DLG2: variants seen among roughly 807,000 people sequenced by gnomAD.
DLG2 encodes the protein disks large homolog 2.
In DLG2, 45 loss-of-function variants were observed where a neutral mutation model predicts 132.5. The ratio of observed to expected loss-of-function variants is 0.34; its 90% CI spans 0.27 to 0.44. DLG2 has a LOEUF of 0.44. DLG2 is among the 20% of genes least tolerant of loss of function. The probability of loss-of-function intolerance (pLI) is 1.00; values close to 1 mark genes in which losing one functional copy is unlikely to be tolerated. For missense variants in DLG2, 1,045 were observed against 1,196.9 expected, an observed-to-expected ratio of 0.87 and a Z score of 1.87; for synonymous variants, 424 against 419.6, an observed-to-expected ratio of 1.01 and a Z score of -0.13.
At chr11:83,783,673 A>G (rs2094926571) in intron 18 of DLG2, among the ~76,000 whole-genome samples, 1 of 152,236 alleles carries the variant, frequency 6.6e-6, no homozygotes, top group East Asian at 1.9e-4. Flanking sequence ...AAATATAGGT[A>G]TGGTGTCTGC....
Position 85,464,370 on chromosome 11 carries a change from G to A in DLG2, c.40+134287C>T, listed in dbSNP as rs138216052. On this transcript the variant is annotated intron_variant, in intron 3 of 27. Transcript: ENST00000376104. ...AGATCAGTTTCCCTGAAGGCTTGGAGGTTATGGTTTTTACGGACAACTTGG... is the reference window on the plus strand; with the variant it reads ...AGATCAGTTTCCCTGAAGGCTTGGAAGTTATGGTTTTTACGGACAACTTGG... Among the ~76,000 whole-genome samples, 8 of 152,194 alleles carry A rather than the reference G, an allele frequency of 5.3e-5. No individual in the cohort carries two copies. The East Asian group carries it at 1.5e-3, about 29-fold the overall frequency.
chr11:83,501,671 G>A (rs117145943), intron 21 of DLG2, among the ~76,000 whole-genome samples: 3 of 152,062 alleles, frequency 2.0e-5, no homozygotes, highest in South Asian at 2.1e-4. Flanking sequence ...TTCTCTAAAT[G>A]CATTGCTAAT....
At chr11:83,616,972 T>C (rs1025001562) in intron 19 of DLG2, among the ~76,000 whole-genome samples, 16 of 152,226 alleles carry the variant, frequency 1.1e-4, no homozygotes, top group African/African-American at 3.9e-4. Context: ...TGTTATTGTT[T>C]CTGCACTCTA....
intron 3 of DLG2, among the ~76,000 whole-genome samples, chr11:85,543,975 C>G (rs1041666982): frequency 6.6e-6 from 1 of 152,142 alleles, no homozygotes; most frequent in African/African-American, 2.4e-5. Flanking sequence ...TTTTGCTGTG[C>G]AGAAGCTCTT....
intron 15 of DLG2, among the ~76,000 whole-genome samples, chr11:83,927,287 A>ATGTAGCATGTAACATGTAGCATGACT (rs1261702485): frequency 6.6e-6 from 1 of 152,162 alleles, no homozygotes; most frequent in Non-Finnish European, 1.5e-5. Flanking sequence ...ACAGTGTAGC[A>ATGTAGCATGTAACATGTAGCATGACT]GGTGATACAG....
chr11:85,108,687 T>G, intron 6 of DLG2, among the ~76,000 whole-genome samples: 1 of 152,040 alleles, frequency 6.6e-6, no homozygotes, highest in East Asian at 1.9e-4. Context: ...TGTTAGTGCT[T>G]TTTTCTGAGA....
chr11:84,714,557 CTTTCTCTT>C (rs2060846193), intron 6 of DLG2, among the ~76,000 whole-genome samples: 2 of 122,334 alleles, frequency 1.6e-5, no homozygotes, highest in Admixed American at 8.7e-5. Flanking sequence ...CTTTCTCTCT[CTTTCTCTT>C]TCTCTTTCTC....
At chr11:85,184,050 T>C (rs1402991851) in intron 4 of DLG2, among the ~76,000 whole-genome samples, 1 of 151,956 alleles carries the variant, frequency 6.6e-6, no homozygotes, top group Non-Finnish European at 1.5e-5. Context: ...TATACAGTAA[T>C]TATTAGGGTT....
intron 18 of DLG2, among the ~76,000 whole-genome samples, chr11:83,673,900 T>C (rs2077260485): frequency 6.6e-6 from 1 of 152,258 alleles, no homozygotes; most frequent in Non-Finnish European, 1.5e-5. Context: ...CATTGTCTTT[T>C]ACTCCTTTAC....
chr11:85,561,514 A>C (rs762556992), intron 3 of DLG2, among the ~76,000 whole-genome samples: 1 of 151,602 alleles, frequency 6.6e-6, no homozygotes, highest in Non-Finnish European at 1.5e-5. Context: ...ACTGTTCATC[A>C]ATTTTCAAAA....
chr11:84,497,294 A>G (rs1193377135), intron 7 of DLG2, among the ~76,000 whole-genome samples: 3 of 152,180 alleles, frequency 2.0e-5, no homozygotes, highest in African/African-American at 7.2e-5. Flanking sequence ...AAGACATTAA[A>G]TAATTTGCCT....
intron 22 of DLG2, among the ~76,000 whole-genome samples, chr11:83,478,832 A>ATATT (rs1555077069): frequency 6.6e-6 from 1 of 152,026 alleles, no homozygotes; most frequent in Non-Finnish European, 1.5e-5. Flanking sequence ...AAAATAAGTT[A>ATATT]TATTTTTCTA....
intron 7 of DLG2, among the ~76,000 whole-genome samples, chr11:84,297,192 T>C (rs1050447738): frequency 6.1e-5 from 9 of 146,454 alleles, no homozygotes; most frequent in African/African-American, 1.0e-4. Context: ...TGAAGAAAAA[T>C]TGAATCAATC....
intron 19 of DLG2, among the ~76,000 whole-genome samples, chr11:83,590,873 A>C (rs1318924032): frequency 3.3e-5 from 5 of 151,780 alleles, no homozygotes; most frequent in African/African-American, 1.2e-4. Flanking sequence ...CTCTATGCAA[A>C]TAAACTAGAA....
intron 3 of DLG2, among the ~76,000 whole-genome samples, chr11:85,417,858 GTCTA>G (rs766607667): frequency 2.0e-5 from 3 of 151,958 alleles, no homozygotes; most frequent in Non-Finnish European, 4.4e-5. Context: ...CTGGCTAGCA[GTCTA>G]TCTATTTTGT....
intron 4 of DLG2, among the ~76,000 whole-genome samples, chr11:85,163,676 T>C (rs1452498152): frequency 6.6e-6 from 1 of 152,156 alleles, no homozygotes; most frequent in Admixed American, 6.6e-5. Context: ...ACTACCTATG[T>C]GGAATGGAGG....
intron 7 of DLG2, among the ~76,000 whole-genome samples, chr11:84,345,878 T>A (rs1401018648): frequency 6.6e-6 from 1 of 152,172 alleles, no homozygotes; most frequent in Non-Finnish European, 1.5e-5. Context: ...AATAGTAGTA[T>A]CCGAGACTGT....
chr11:83,560,656 G>A (rs1472031540), intron 19 of DLG2, among the ~76,000 whole-genome samples: 1 of 152,140 alleles, frequency 6.6e-6, no homozygotes, highest in Admixed American at 6.5e-5. Context: ...AGAGGATTAG[G>A]TTATATATGT....
At chr11:83,810,251 C>T (rs531647643) in intron 17 of DLG2, among the ~76,000 whole-genome samples, 12 of 152,188 alleles carry the variant, frequency 7.9e-5, no homozygotes, top group African/African-American at 2.6e-4. Flanking sequence ...TTCTTTCTCA[C>T]ACCTATAAGT....
Sources: gnomAD v4.1 joint callset for allele counts (sites outside exome capture counted in the v4.1 genomes callset) on GRCh38, gnomAD v4.1.1 for gene constraint, MANE v1.5 for transcripts, NCBI Gene and HGNC (gene_info 2026-07-23, HGNC 2026-07-21) for gene names.